Variants in SYNC observed in about 807,000 individuals in gnomAD.
SYNC encodes syncoilin, intermediate filament protein, also known as syncoilin.
In SYNC, 38 loss-of-function variants were observed where a neutral mutation model predicts 49.5. The observed-to-expected ratio is 0.77, with a 90% CI of 0.59 to 1.01. SYNC has a LOEUF of 1.01. Among genes scored for constraint, SYNC ranks in the 50% least tolerant of loss-of-function variants. The pLI is 0.00. For missense variants in SYNC, 579 were observed against 580.6 expected (o/e 1.00, Z 0.03); for synonymous variants, 201 against 230.8 (o/e 0.87, Z 1.17).
At chr1:32,697,996 G>A (rs1420982024) in intron 1 of SYNC, among the ~76,000 whole-genome samples, 1 of 152,080 alleles carries the variant, frequency 6.6e-6, no homozygotes, top group Non-Finnish European at 1.5e-5. Flanking sequence ...GCCAAGACGG[G>A]TGGATCACCT....
intron 2 of SYNC, among the ~76,000 whole-genome samples, chr1:32,691,476 C>T (rs1337908142): frequency 1.3e-5 from 2 of 151,498 alleles, no homozygotes; most frequent in Non-Finnish European, 2.9e-5. Context: ...TTGCTTGAAC[C>T]TGGGAAGTGG....
rs185046974 is a variant in SYNC at position 32,700,051 on chromosome 1, C to T, written c.53+2557G>A. Among the ~76,000 whole-genome samples, 532 of 152,130 alleles carry T rather than the reference C, an allele frequency of 3.5e-3. 2 individuals carry two copies. The highest frequency in any genetic ancestry group is 0.012 in the Admixed American group (188 of 15,254). On this transcript the variant is annotated intron_variant, in intron 1 of 4. Transcript: ENST00000409190. Reference sequence around the variant, plus strand: ...CCGGCCCCAAACATACCTTTTTTAGCTTCCTCTCACATTATTCCTGCAACC... The same window carrying T: ...CCGGCCCCAAACATACCTTTTTTAGTTTCCTCTCACATTATTCCTGCAACC...
intron 2 of SYNC, among the ~76,000 whole-genome samples, chr1:32,687,436 GGAGGCCAAGGTGGATCAC>G (rs946265926): frequency 2.6e-5 from 4 of 151,450 alleles, no homozygotes; most frequent in African/African-American, 7.3e-5. Flanking sequence ...CAACACATTG[GGAGGCCAAGGTGGATCAC>G]GAGGTCAAGA....
chr1:32,679,942 G>C lies in SYNC; in HGVS notation c.*1908C>G. On this transcript the variant is annotated 3_prime_UTR_variant, in exon 5 of 5. Coordinates refer to ENST00000409190, the MANE Select transcript of SYNC (RefSeq NM_030786.3). ...CTTCAGGAATTTTCTAGTAACCCAGGTCTAAAGTAGCTACAGAAAGGGGAA... is the reference window on the plus strand; with the variant it reads ...CTTCAGGAATTTTCTAGTAACCCAGCTCTAAAGTAGCTACAGAAAGGGGAA... 2.3e-6 allele frequency: 3 copies of C among 1,284,970 alleles called. No individual in the cohort carries two copies. The highest frequency in any genetic ancestry group is 4.5e-5 in the South Asian group (2 of 44,792). The allele number at this position is 1,284,970 out of a possible 1,614,324, so 79.6% of individuals were successfully genotyped here.
At chr1:32,700,656 C>T (rs1364829181) in intron 1 of SYNC, among the ~76,000 whole-genome samples, 1 of 152,144 alleles carries the variant, frequency 6.6e-6, no homozygotes, top group Non-Finnish European at 1.5e-5. Flanking sequence ...GAGATTGCGC[C>T]ATTGCCCTCC....
intron 4 of SYNC, chr1:32,682,724 C>A (rs997365359): frequency 6.6e-6 from 1 of 151,016 alleles, no homozygotes; most frequent in Non-Finnish European, 1.5e-5. Flanking sequence ...TGAACTGAGA[C>A]CGTGCCACTG....
intron 4 of SYNC, chr1:32,682,811 T>C (rs1009708788): frequency 2.0e-5 from 3 of 151,904 alleles, no homozygotes; most frequent in Non-Finnish European, 4.4e-5. Flanking sequence ...GCTTAGGAAA[T>C]GAATAAAATT....
chr1:32,695,524 C>T lies in SYNC; in HGVS notation c.574G>A (p.Glu192Lys), dbSNP rs1438293314. The T allele has an allele frequency of 3.2e-6, 5 of 1,551,518 alleles. No homozygotes were observed. Among genetic ancestry groups the T allele is most frequent in the South Asian group, 1.2e-5 (1 of 84,040 alleles). ...CVQAVAQLEE[E>K]RDQLIHELVL... is the part of the protein sequence containing the mutation. ...AGCTCATGGATGAGCTGATCCCTCT[C>T]CTCTTCCAGCTGGGCCACAGCTTGG... Residue 192 changes from glutamate to lysine, a missense_variant, in exon 2 of 5, where the codon GAG becomes AAG. Transcript: ENST00000409190.
chr1:32,683,928 C>T (rs1365087013), intron 4 of SYNC, 82 bp downstream of exon 4: 26 of 1,411,848 alleles, frequency 1.8e-5, no homozygotes, highest in Middle Eastern at 1.8e-4. Context: ...CCACCCCGTC[C>T]GGCCTGTTTT....
chr1:32,680,683 A>AT lies in SYNC; in HGVS notation c.*1166_*1167insA, dbSNP rs752166003. The AT allele has an allele frequency of 1.3e-6, 1 of 768,014 alleles. No individual in the cohort carries two copies. Among genetic ancestry groups the AT allele is most frequent in the Non-Finnish European group, 2.0e-6 (1 of 488,046 alleles). The allele number at this position is 768,014 out of a possible 1,614,324, so 47.6% of individuals were successfully genotyped here. A position where few individuals can be genotyped will look rare whatever the true frequency, so the allele number is the denominator to read the frequency against. ...ATGCTGATGGGTTTTATTTAGTATA[A>AT]AACATCCATCAAACACCAGTCTCTG... On this transcript the variant is annotated 3_prime_UTR_variant, in exon 5 of 5. Coordinates refer to ENST00000409190, the MANE Select transcript of SYNC (RefSeq NM_030786.3).
At chr1:32,685,768 T>G (rs1019575903) in intron 2 of SYNC, 3 of 152,262 alleles carry the variant, frequency 2.0e-5, no homozygotes, top group Non-Finnish European at 2.9e-5. Context: ...AAAAGCAGTC[T>G]GCACCACCAG....
intron 2 of SYNC, among the ~76,000 whole-genome samples, chr1:32,692,964 G>A (rs2148557179): frequency 6.6e-6 from 1 of 150,930 alleles, no homozygotes; most frequent in East Asian, 2.0e-4. Context: ...GATTGGTTCA[G>A]TGCACTCCAG....
intron 3 of SYNC, 41 bp from the exon 4 acceptor site, chr1:32,684,130 A>C (rs1476037331): frequency 6.2e-7 from 1 of 1,608,108 alleles, no homozygotes; most frequent in Non-Finnish European, 8.5e-7. Flanking sequence ...TTTTTGGATA[A>C]GCACAATTTG....
chr1:32,690,352 C>T (rs1436336483), intron 2 of SYNC, among the ~76,000 whole-genome samples: 1 of 152,184 alleles, frequency 6.6e-6, no homozygotes, highest in East Asian at 1.9e-4. Context: ...TGCTCTGCAT[C>T]TCTAGCCCAC....
rs1649337316 is a variant in SYNC at position 32,680,206 on chromosome 1, CA to C, written c.*1643del. ...AGGATGCACATTTTCATACGTAGACCAGTTTCCTCTTGGTTTCTTCAGTTAA... is the reference window on the plus strand; with the variant it reads ...AGGATGCACATTTTCATACGTAGACCGTTTCCTCTTGGTTTCTTCAGTTAA... On this transcript the variant is annotated 3_prime_UTR_variant, in exon 5 of 5. Coordinates refer to ENST00000409190, the MANE Select transcript of SYNC (RefSeq NM_030786.3). 4.5e-6 allele frequency: 5 copies of C among 1,118,040 alleles called. No individual in the cohort carries two copies. In the African/African-American group the frequency reaches 8.2e-5, roughly 18 times the overall value. The allele number at this position is 1,118,040 out of a possible 1,614,324, so 69.3% of individuals were successfully genotyped here.
At chr1:32,687,888 C>T (rs1344124529) in intron 2 of SYNC, among the ~76,000 whole-genome samples, 5 of 39,626 alleles carry the variant, frequency 1.3e-4, no homozygotes, top group Admixed American at 8.5e-4. Flanking sequence ...CTTGCTCTGT[C>T]GCTCAGGCTG....
At chr1:32,701,646 CTT>C (rs979427543) in intron 1 of SYNC, among the ~76,000 whole-genome samples, 2 of 152,202 alleles carry the variant, frequency 1.3e-5, no homozygotes, top group Admixed American at 6.5e-5. Context: ...ACAGCCGCCT[CTT>C]TTAAACAGAG....
At position 32,695,825 on chromosome 1, in the gene SYNC, T is replaced by G; in HGVS notation, c.273A>C (p.Pro91=). ...GCTCCTCCACATGCAGAGCCTCATC[T>G]GGCTGCATGGCCTCCTCAATATACA... ...EALYIEEAMQ[P]DEALHVEEPG... is the part of the protein sequence containing the mutation. The change falls in exon 2 of 5, where the codon CCA becomes CCC. Residue 91 remains proline, a synonymous_variant. Coordinates refer to ENST00000409190, the MANE Select transcript of SYNC (RefSeq NM_030786.3). 1 of 1,551,900 alleles carries G rather than the reference T, an allele frequency of 6.4e-7. No homozygotes were observed. The highest frequency in any genetic ancestry group is 1.4e-5 in the African/African-American group (1 of 73,152).
intron 2 of SYNC, among the ~76,000 whole-genome samples, chr1:32,687,206 A>G (rs1649885812): frequency 6.6e-6 from 1 of 151,900 alleles, no homozygotes; most frequent in Non-Finnish European, 1.5e-5. Flanking sequence ...CTAAAAATAC[A>G]AAAAATTAGC....
Sources: allele counts gnomAD v4.1 joint callset (sites outside exome capture counted in the v4.1 genomes callset), GRCh38; gene constraint gnomAD v4.1.1; transcripts MANE v1.5; gene names NCBI Gene and HGNC (gene_info 2026-07-23, HGNC 2026-07-21).